The following FREM3 variants were observed in gnomAD, a reference collection of about 807,000 sequenced individuals.
FREM3 encodes the protein FRAS1-related extracellular matrix protein 3.
In FREM3, 105 loss-of-function variants were observed where a neutral mutation model predicts 129.1. The ratio of observed to expected loss-of-function variants is 0.81; its 90% CI spans 0.69 to 0.96. FREM3 has a LOEUF of 0.96. FREM3 is among the 40% of genes least tolerant of loss of function. FREM3 has a pLI of 0.00. For synonymous variants in FREM3, 1,014 were observed against 1,044.9 expected (o/e 0.97, Z 0.57); for missense variants, 2,593 against 2,666.3 (o/e 0.97, Z 0.61).
Position 143,603,033 on chromosome 4 carries a change from G to A in FREM3, c.6028+8246C>T, listed in dbSNP as rs566760007. On this transcript the variant is annotated intron_variant, in intron 6 of 7. Coordinates refer to ENST00000329798, the MANE Select transcript of FREM3 (RefSeq NM_001168235.2). ...GCTTATGAAGTGGTTGCCCAGTAGA[G>A]CCTCCTTTAAGGAGAGAATCTATTA... 8.5e-4 allele frequency among the ~76,000 whole-genome samples: 129 copies of A among 152,230 alleles called. 2 individuals carry two copies. Among genetic ancestry groups the A allele is most frequent in the African/African-American group, 2.9e-3 (122 of 41,540 alleles).
intron 1 of FREM3, among the ~76,000 whole-genome samples, chr4:143,693,650 A>G (rs988348365): frequency 1.3e-5 from 2 of 152,330 alleles, no homozygotes; most frequent in African/African-American, 4.8e-5. Context: ...ATGCATGCAA[A>G]TGTTCATAGC....
At chr4:143,584,307 G>T (rs1442837315) in intron 7 of FREM3, among the ~76,000 whole-genome samples, 4 of 151,878 alleles carry the variant, frequency 2.6e-5, no homozygotes, top group Non-Finnish European at 5.9e-5. Flanking sequence ...TACTCGGGAG[G>T]CTGAGGCAGG....
At chr4:143,686,275 C>T (rs966496632) in intron 2 of FREM3, among the ~76,000 whole-genome samples, 3 of 152,102 alleles carry the variant, frequency 2.0e-5, no homozygotes, top group African/African-American at 7.2e-5. Flanking sequence ...AGGAAAATAT[C>T]ACAATCTTTA....
At chr4:143,684,415 T>C (rs1046476944) in intron 2 of FREM3, among the ~76,000 whole-genome samples, 1 of 152,136 alleles carries the variant, frequency 6.6e-6, no homozygotes, top group South Asian at 2.1e-4. Flanking sequence ...ACACAATCAC[T>C]GTAGTTCGGC....
rs561678215 is a variant in FREM3, at chr4:143,637,585, G to A, written c.5276-9825C>T. Among the ~76,000 whole-genome samples the A allele has an allele frequency of 1.4e-4, 22 of 152,158 alleles. No individual in the cohort carries two copies. In the South Asian group the frequency reaches 4.6e-3, roughly 32 times the overall value. ...TTGTGCCCTCTTAGTGCTTCAGGGTGCCACCACTCACATCCTGGAGCTTGG... is the reference window on the plus strand; with the variant it reads ...TTGTGCCCTCTTAGTGCTTCAGGGTACCACCACTCACATCCTGGAGCTTGG... On this transcript the variant is annotated intron_variant, in intron 2 of 7. Transcript: ENST00000329798.
chr4:143,674,176 G>A (rs1740060055), intron 2 of FREM3, among the ~76,000 whole-genome samples: 1 of 152,172 alleles, frequency 6.6e-6, no homozygotes, highest in African/African-American at 2.4e-5. Context: ...CCCATCTTCT[G>A]CAGAAATCAC....
intron 2 of FREM3, among the ~76,000 whole-genome samples, chr4:143,641,549 G>A (rs1261995299): frequency 6.6e-6 from 1 of 152,192 alleles, no homozygotes; most frequent in Non-Finnish European, 1.5e-5. Flanking sequence ...CCACAGCACA[G>A]CTCTGTAATC....
chr4:143,697,354 T>G lies in FREM3; in HGVS notation c.3322A>C (p.Thr1108Pro). 6 of 1,537,286 alleles carry G rather than the reference T, an allele frequency of 3.9e-6. No homozygotes were observed. Among genetic ancestry groups the G allele is most frequent in the Non-Finnish European group, 5.2e-6 (6 of 1,146,910 alleles). ...CCAGAGGCTGGCTGACTAGTCACTG[T>G]GCAGAGGAGTTCATCTTGATGAGTG... ...VDTHQDELLCTVTSQPASGYL... is the reference protein window; with the variant it reads ...VDTHQDELLCPVTSQPASGYL... Residue 1108 changes from threonine (T) to proline (P), a missense_variant, in exon 1 of 8, where the codon ACA becomes CCA. Coordinates refer to ENST00000329798, the MANE Select transcript of FREM3 (RefSeq NM_001168235.2).
chr4:143,599,794 T>C (rs770744453), intron 6 of FREM3, among the ~76,000 whole-genome samples: 2 of 104,056 alleles, frequency 1.9e-5, no homozygotes, highest in African/African-American at 8.4e-5. Flanking sequence ...ACATACATTC[T>C]AGCCTCCAGG....
intron 2 of FREM3, among the ~76,000 whole-genome samples, chr4:143,657,969 C>T (rs1739631205): frequency 6.6e-6 from 1 of 152,198 alleles, no homozygotes; most frequent in African/African-American, 2.4e-5. Context: ...TCCTACACCA[C>T]ATTTATTTAA....
intron 4 of FREM3, among the ~76,000 whole-genome samples, chr4:143,622,281 A>G (rs1210377336): frequency 6.6e-6 from 1 of 151,354 alleles, no homozygotes; most frequent in East Asian, 2.0e-4. Flanking sequence ...TTTAGTTGAG[A>G]TGGGGTTTCG....
chr4:143,616,715 C>A (rs551023129), intron 5 of FREM3, among the ~76,000 whole-genome samples: 1 of 151,924 alleles, frequency 6.6e-6, no homozygotes, highest in Non-Finnish European at 1.5e-5. Context: ...ATGGCGTGAA[C>A]CCGGGAGGCG....
Position 143,585,816 on chromosome 4 carries a change from T to C in FREM3, c.6178+28A>G, listed in dbSNP as rs1321736223. On this transcript the variant is annotated intron_variant, in intron 7 of 7. Transcript: ENST00000329798. The surrounding 1 kb of genome is among the most constrained non-coding windows in gnomAD (Gnocchi z 4.2). ...CCACCATAAACATGTATCATGATAA[T>C]GATATATTCTTTAAGTGGCCCTCTC... 6.5e-7 allele frequency: 1 copy of C among 1,533,694 alleles called. No individual in the cohort carries two copies. The highest frequency in any genetic ancestry group is 2.0e-5 in the Admixed American group (1 of 50,894).
intron 2 of FREM3, among the ~76,000 whole-genome samples, chr4:143,668,384 C>G (rs1422498775): frequency 6.6e-6 from 1 of 152,232 alleles, no homozygotes; most frequent in Admixed American, 6.5e-5. Context: ...CACTGCATAA[C>G]AATACATTCC....
At chr4:143,659,726 C>T (rs1344975788) in intron 2 of FREM3, among the ~76,000 whole-genome samples, 1 of 151,060 alleles carries the variant, frequency 6.6e-6, no homozygotes, top group Non-Finnish European at 1.5e-5. Flanking sequence ...TATTTCTCCA[C>T]ATCCTCTTCA....
intron 2 of FREM3, among the ~76,000 whole-genome samples, chr4:143,648,775 T>C (rs866392409): frequency 6.6e-6 from 1 of 152,210 alleles, no homozygotes; most frequent in Non-Finnish European, 1.5e-5. Flanking sequence ...TGTGTGAGAA[T>C]GGACTAATGC....
chr4:143,606,725 G>C (rs1274253796), intron 6 of FREM3, among the ~76,000 whole-genome samples: 3 of 152,044 alleles, frequency 2.0e-5, no homozygotes, highest in African/African-American at 7.2e-5. Flanking sequence ...ACAACGAGGA[G>C]GCTGAACCAC....
rs750681498 is a variant in FREM3, at chr4:143,577,839, AT to A, written c.6191del (p.Tyr2064LeufsTer21). ...EQESAEAGTD[Y>X]VGISRNLDFA... Reference sequence around the variant, plus strand: ...AGTCCAGGTTTCGGCTGATACCAACATAATCTGTTCCAGCTAGTGAAAAAGG... The same window carrying A: ...AGTCCAGGTTTCGGCTGATACCAACAAATCTGTTCCAGCTAGTGAAAAAGG... On this transcript the variant is annotated frameshift_variant, in exon 8 of 8. Transcript: ENST00000329798. LOFTEE classifies it low-confidence loss of function (END_TRUNC). 12 of 1,537,038 alleles carry A rather than the reference AT, an allele frequency of 7.8e-6. No homozygotes were observed. The highest frequency in any genetic ancestry group is 8.7e-7 in the Non-Finnish European group (1 of 1,146,894).
At chr4:143,680,484 G>T (rs57336383) in intron 2 of FREM3, among the ~76,000 whole-genome samples, 4 of 152,000 alleles carry the variant, frequency 2.6e-5, no homozygotes, top group Non-Finnish European at 4.4e-5. Context: ...ATTATAAGGA[G>T]CTGTAGAAAT....
Sources: allele counts gnomAD v4.1 joint callset (sites outside exome capture counted in the v4.1 genomes callset), GRCh38; gene constraint gnomAD v4.1.1; non-coding constraint Gnocchi (gnomAD v3.1); transcripts MANE v1.5; gene names NCBI Gene and HGNC (gene_info 2026-07-23, HGNC 2026-07-21).